The following TRAF3 variants were observed in gnomAD, a reference collection of about 807,000 sequenced individuals.
TRAF3 encodes the protein TNF receptor-associated factor 3.
Under a neutral mutation model 62.3 loss-of-function variants are expected in TRAF3, and 13 were observed. The ratio of observed to expected loss-of-function variants is 0.21; its 90% confidence interval spans 0.14 to 0.33. TRAF3 has a LOEUF of 0.33. Ranked by LOEUF, TRAF3 falls within the 10% of genes least tolerant of loss-of-function variation. The pLI is 1.00. For missense variants in TRAF3, 440 were observed against 741.8 expected, an observed-to-expected ratio of 0.59 and a Z score of 4.73; for synonymous variants, 269 against 283.4, an observed-to-expected ratio of 0.95 and a Z score of 0.51.
chr14:102,907,592 G>C lies in TRAF3; in HGVS notation c.*1808G>C, dbSNP rs1890647425. The C allele has an allele frequency of 6.6e-6, 1 of 152,278 alleles. No homozygotes were observed. Among genetic ancestry groups the C allele is most frequent in the African/African-American group, 2.4e-5 (1 of 41,466 alleles). 9.4% of individuals were successfully genotyped at this position (152,278 alleles called of 1,614,324 possible). On this transcript the variant is annotated 3_prime_UTR_variant, in exon 12 of 12. Coordinates refer to ENST00000392745, the MANE Select transcript of TRAF3 (RefSeq NM_145725.3). ...AGCCGCGCCCACAATTGGCCAGCTG[G>C]GCCGTGCACGTCAGACTGCCTGCCT...
In TRAF3 at chr14:102,819,875, G is replaced by C. The variant is rs187147834; in HGVS notation, c.-156-10459G>C. ...ACATCAGATCAGGGCATACCGCCAA[G>C]TGAGTTATGAACATGCTTTCAGTTT... On this transcript the variant is annotated intron_variant, in intron 1 of 11. Transcript: ENST00000392745. 6.8e-3 allele frequency among the ~76,000 whole-genome samples: 1,043 copies of C among 152,370 alleles called. 6 individuals carry two copies. Among genetic ancestry groups the C allele is most frequent in the Non-Finnish European group, 9.7e-3 (659 of 68,038 alleles).
At position 102,903,238 on chromosome 14, in the gene TRAF3, C is replaced by T. The variant is rs1595414371; in HGVS notation, c.961-17C>T. On this transcript the variant is annotated splice_polypyrimidine_tract_variant and intron_variant, in intron 10 of 11. Transcript: ENST00000392745. This position sits in a 1 kb window ranked among gnomAD's most constrained non-coding sequence, Gnocchi z 6.4. The stretch of plus-strand genomic sequence containing the variant: ...GTCCTAACTGTGTTTTGCTTTTTAA[C>T]ACCTTTGGTTTGGAAGCGAGTGATA... 6.2e-7 allele frequency: 1 copy of T among 1,614,172 alleles called. No individual in the cohort carries two copies. The highest frequency in any genetic ancestry group is 1.3e-5 in the African/African-American group (1 of 75,036).
At chr14:102,886,148 GGTT>G in intron 6 of TRAF3, 38 bp from the exon 7 acceptor site, 10 of 1,604,684 alleles carry the variant, frequency 6.2e-6, no homozygotes, top group Non-Finnish European at 7.7e-6. Flanking sequence ...AAGGAAGACA[GGTT>G]GTGTGTTTAA....
At chr14:102,794,930 A>T (rs1382547406) in intron 1 of TRAF3, among the ~76,000 whole-genome samples, 1 of 152,052 alleles carries the variant, frequency 6.6e-6, no homozygotes. Flanking sequence ...TTTTCTTCCT[A>T]TTACTAGTTC....
At chr14:102,797,305 G>A (rs552960451) in intron 1 of TRAF3, among the ~76,000 whole-genome samples, 12 of 152,320 alleles carry the variant, frequency 7.9e-5, no homozygotes, top group African/African-American at 2.4e-4. Flanking sequence ...AAATTGGTCT[G>A]AGAGGCGTCT....
chr14:102,800,005 G>A (rs1258435203), intron 1 of TRAF3, among the ~76,000 whole-genome samples: 2 of 152,180 alleles, frequency 1.3e-5, no homozygotes, highest in Admixed American at 6.5e-5. Flanking sequence ...TCCTTTGATG[G>A]AAAGTAGGGA....
intron 2 of TRAF3, among the ~76,000 whole-genome samples, chr14:102,836,725 CAAAG>C (rs750115360): frequency 3.3e-5 from 5 of 152,258 alleles, no homozygotes; most frequent in Non-Finnish European, 4.4e-5. Flanking sequence ...ATATTACAAT[CAAAG>C]AAGTGTTACA....
In TRAF3 at chr14:102,778,451, A is replaced by C. The variant is rs115749703; in HGVS notation, c.-157+776A>C. Among the ~76,000 whole-genome samples the C allele has an allele frequency of 2.6e-3, 390 of 152,310 alleles. 2 individuals are homozygous for C. Among genetic ancestry groups the C allele is most frequent in the African/African-American group, 8.9e-3 (370 of 41,582 alleles). ...GGAAACAGTAACAAACTGGAAACGG[A>C]TGAGGTGTTATGGACGTGCTTGGAA... On this transcript the variant is annotated intron_variant, in intron 1 of 11. Transcript: ENST00000392745.
chr14:102,808,369 C>T (rs758921378), intron 1 of TRAF3, among the ~76,000 whole-genome samples: 8 of 151,982 alleles, frequency 5.3e-5, no homozygotes, highest in South Asian at 2.1e-4. Flanking sequence ...AAAAATTAGC[C>T]GGGTGTGGTG....
In TRAF3 at chr14:102,803,166, C is replaced by A. The variant is rs1898546955; in HGVS notation, c.-157+25491C>A. Among the ~76,000 whole-genome samples, 3 of 152,200 alleles carry A rather than the reference C, an allele frequency of 2.0e-5. No individual in the cohort carries two copies. In the South Asian group the frequency reaches 6.2e-4, roughly 31 times the overall value. On this transcript the variant is annotated intron_variant, in intron 1 of 11. Transcript: ENST00000392745. ...AAATGAGATTTGGGTAGAGACACAG[C>A]CCTATCAGTGGCTTACGCTCCTGGC...
chr14:102,893,751 C>T lies in TRAF3; in HGVS notation c.819+2334C>T, dbSNP rs374792215. ...CATAACTGTGCACTTCCCTCTTGGA[C>T]GTTGCCAAAGGACTGATCTCTCCCG... On this transcript the variant is annotated intron_variant, in intron 9 of 11. Transcript: ENST00000392745. Among the ~76,000 whole-genome samples the T allele has an allele frequency of 3.9e-5, 6 of 152,268 alleles. No homozygotes were observed. The East Asian group carries it at 9.7e-4, about 25-fold the overall frequency.
In TRAF3 at chr14:102,905,879, C is replaced by T. The variant is rs975493901; in HGVS notation, c.*95C>T. On this transcript the variant is annotated 3_prime_UTR_variant, in exon 12 of 12. Coordinates refer to ENST00000392745, the MANE Select transcript of TRAF3 (RefSeq NM_145725.3). ...TGAGGTCCTCGCGCTCAGAAAAGGACCTTGTGAGACGGAGGAAGCGGCAGA... is the reference window on the plus strand; with the variant it reads ...TGAGGTCCTCGCGCTCAGAAAAGGATCTTGTGAGACGGAGGAAGCGGCAGA... The T allele has an allele frequency of 3.9e-5, 46 of 1,181,710 alleles. No individual in the cohort carries two copies. The Admixed American group carries it at 5.5e-4, about 14-fold the overall frequency. 73.2% of individuals were successfully genotyped at this position (1,181,710 alleles called of 1,614,324 possible).
At chr14:102,838,922 A>T (rs1359186328) in intron 2 of TRAF3, among the ~76,000 whole-genome samples, 1 of 152,226 alleles carries the variant, frequency 6.6e-6, no homozygotes, top group Non-Finnish European at 1.5e-5. Flanking sequence ...ACTAAATTTA[A>T]TACCATAACA....
intron 1 of TRAF3, among the ~76,000 whole-genome samples, chr14:102,778,032 CCGCGGGGCCGCGGGTTTCA>C (rs929980391): frequency 2.7e-5 from 4 of 150,254 alleles, no homozygotes; most frequent in African/African-American, 9.7e-5. Flanking sequence ...ACCCGGCACC[CCGCGGGGCCGCGGGTTTCA>C]CGCGGGGGGA....
At chr14:102,868,993 G>GGAAGAGAGTCCGCGCAGACAGACTTGCCC (rs1888167823) in intron 2 of TRAF3, among the ~76,000 whole-genome samples, 1 of 152,188 alleles carries the variant, frequency 6.6e-6, no homozygotes, top group Non-Finnish European at 1.5e-5. Flanking sequence ...TAGCAAGTGT[G>GGAAGAGAGTCCGCGCAGACAGACTTGCCC]GAAGAGAGTC....
chr14:102,829,598 G>A (rs1179610924), intron 1 of TRAF3, among the ~76,000 whole-genome samples: 1 of 152,198 alleles, frequency 6.6e-6, no homozygotes, highest in African/African-American at 2.4e-5. Context: ...GCAGCCGCAT[G>A]TGCTGGTGGG....
intron 1 of TRAF3, among the ~76,000 whole-genome samples, chr14:102,784,215 C>T (rs1032746825): frequency 2.2e-4 from 26 of 117,640 alleles, no homozygotes; most frequent in Non-Finnish European, 3.1e-4. Flanking sequence ...GATGCTTGGC[C>T]TTTTTTTTTT....
At chr14:102,846,894 G>A (rs961758670) in intron 2 of TRAF3, among the ~76,000 whole-genome samples, 2 of 152,136 alleles carry the variant, frequency 1.3e-5, no homozygotes, top group South Asian at 2.1e-4. Flanking sequence ...GTCAGATAGA[G>A]GCACCCAGCC....
chr14:102,788,988 C>T (rs1469201501), intron 1 of TRAF3, among the ~76,000 whole-genome samples: 1 of 152,104 alleles, frequency 6.6e-6, no homozygotes, highest in Non-Finnish European at 1.5e-5. Context: ...AGAAAAACAA[C>T]TTTTCATCCC....
Sources: gnomAD v4.1 joint callset for allele counts (sites outside exome capture counted in the v4.1 genomes callset) on GRCh38, gnomAD v4.1.1 for gene constraint, Gnocchi (gnomAD v3.1) non-coding constraint, MANE v1.5 for transcripts, NCBI Gene and HGNC (gene_info 2026-07-23, HGNC 2026-07-21) for gene names.